BLTP3B: variants seen among roughly 807,000 people sequenced by gnomAD.
The protein encoded by BLTP3B is UHRF1 (ICBP90) binding protein 1-like.
chr12:100,140,324 A>G, the BLTP3B span, among the ~76,000 whole-genome samples: 1 of 152,004 alleles, frequency 6.6e-6, no homozygotes, highest in Admixed American at 6.6e-5. Context: ...TGAAAACTCA[A>G]GTGTCCCAAA....
chr12:100,096,207 T>A, the BLTP3B span, among the ~76,000 whole-genome samples: 1 of 151,622 alleles, frequency 6.6e-6, no homozygotes, highest in Non-Finnish European at 1.5e-5. Context: ...TGAGCAGAGA[T>A]AGTGCCATTG....
At chr12:100,103,171 CCA>C in the BLTP3B span, among the ~76,000 whole-genome samples, 1 of 151,970 alleles carries the variant, frequency 6.6e-6, no homozygotes, top group Non-Finnish European at 1.5e-5. Context: ...ATCTCTACTC[CCA>C]GATATATTCA....
chr12:100,070,769 A>G, the BLTP3B span, among the ~76,000 whole-genome samples: 30 of 152,116 alleles, frequency 2.0e-4, no homozygotes, highest in Non-Finnish European at 2.6e-4. Context: ...CAAGGAGGTC[A>G]GATCATTTGA....
chr12:100,069,248 T>A, the BLTP3B span, among the ~76,000 whole-genome samples: 5 of 152,018 alleles, frequency 3.3e-5, no homozygotes, highest in African/African-American at 1.2e-4. Context: ...GAACTACCAT[T>A]TGATCCAGCA....
chr12:100,041,235 C>T, the BLTP3B span, among the ~76,000 whole-genome samples: 1 of 152,078 alleles, frequency 6.6e-6, no homozygotes, highest in African/African-American at 2.4e-5. Flanking sequence ...GCAGAAAAAG[C>T]ATCTGACAAA....
the BLTP3B span, chr12:100,142,826 C>T: frequency 1.3e-6 from 1 of 760,190 alleles, no homozygotes; most frequent in South Asian, 2.0e-5. Context: ...CTCAGGCCGC[C>T]ACGGCCGCCG....
chr12:100,106,800 G>T, the BLTP3B span, among the ~76,000 whole-genome samples: 4 of 152,082 alleles, frequency 2.6e-5, no homozygotes, highest in Admixed American at 2.0e-4. Context: ...AGATATTTAG[G>T]TTTCCAAAGG....
the BLTP3B span, chr12:100,047,540 A>G: frequency 6.2e-7 from 1 of 1,608,456 alleles, no homozygotes; most frequent in Admixed American, 1.7e-5. Context: ...CTCTGATATG[A>G]AAAGAGCCAT....
the BLTP3B span, among the ~76,000 whole-genome samples, chr12:100,041,429 CTTTT>C: frequency 2.0e-5 from 2 of 101,812 alleles, no homozygotes; most frequent in Non-Finnish European, 1.9e-5. Flanking sequence ...GCTATTGTTA[CTTTT>C]TTTTTTTTTT....
the BLTP3B span, among the ~76,000 whole-genome samples, chr12:100,044,615 C>T: frequency 6.6e-6 from 1 of 152,068 alleles, no homozygotes. Context: ...AGGCAATACA[C>T]CGAAAGTAAC....
chr12:100,083,334 CAT>C, the BLTP3B span, among the ~76,000 whole-genome samples: 8 of 151,932 alleles, frequency 5.3e-5, no homozygotes, highest in Middle Eastern at 3.2e-3. Flanking sequence ...AAGAATCACA[CAT>C]GTCACATTTA....
the BLTP3B span, among the ~76,000 whole-genome samples, chr12:100,125,898 T>C: frequency 1.3e-5 from 2 of 152,214 alleles, no homozygotes; most frequent in East Asian, 1.9e-4. Context: ...TACTATGTGA[T>C]AGGTCATACA....
At chr12:100,038,681 T>C in the BLTP3B span, among the ~76,000 whole-genome samples, 3 of 152,174 alleles carry the variant, frequency 2.0e-5, no homozygotes, top group Admixed American at 6.5e-5. Flanking sequence ...ACCACCCTTT[T>C]AAGACTTAGT....
chr12:100,142,570 C>A, the BLTP3B span: 1 of 1,606,164 alleles, frequency 6.2e-7, no homozygotes, highest in East Asian at 2.3e-5. Context: ...CGACTGGCGC[C>A]GACACCGAGG....
At chr12:100,105,228 A>C in the BLTP3B span, among the ~76,000 whole-genome samples, 1 of 152,154 alleles carries the variant, frequency 6.6e-6, no homozygotes, top group Admixed American at 6.5e-5. Flanking sequence ...ACATTACCCA[A>C]CTTCAAATTA....
the BLTP3B span, among the ~76,000 whole-genome samples, chr12:100,093,729 T>A: frequency 6.6e-6 from 1 of 152,104 alleles, no homozygotes; most frequent in Non-Finnish European, 1.5e-5. Context: ...AGAATACACA[T>A]CAAGGTGGAA....
the BLTP3B span, among the ~76,000 whole-genome samples, chr12:100,094,738 T>C: frequency 6.6e-6 from 1 of 152,222 alleles, no homozygotes; most frequent in Non-Finnish European, 1.5e-5. Context: ...CACTTGCCTG[T>C]AGTCCCAGCT....
the BLTP3B span, chr12:100,142,720 G>T: frequency 6.5e-7 from 1 of 1,532,180 alleles, no homozygotes; most frequent in Non-Finnish European, 8.8e-7. Context: ...GTCCCGGCTA[G>T]CCCGGCCGGC....
chr12:100,039,413 G>T, the BLTP3B span, among the ~76,000 whole-genome samples: 3 of 152,166 alleles, frequency 2.0e-5, no homozygotes, highest in East Asian at 5.8e-4. Flanking sequence ...AAGGCAGAAG[G>T]TATTAAATTT....
Sources: gnomAD v4.1 joint callset for allele counts (sites outside exome capture counted in the v4.1 genomes callset) on GRCh38, gnomAD v4.1.1 for gene constraint, MANE v1.5 for transcripts, NCBI Gene and HGNC (gene_info 2026-07-23, HGNC 2026-07-21) for gene names.